Variants in ENO4 observed in about 807,000 individuals in gnomAD.
ENO4 encodes enolase 4, also known as 2-phospho-D-glycerate hydro-lyase.
Under a neutral mutation model 63.2 loss-of-function variants are expected in ENO4, and 53 were observed. The ratio of observed to expected loss-of-function variants is 0.84; its 90% CI spans 0.67 to 1.05. The LOEUF (loss-of-function observed/expected upper bound fraction) is 1.05. Ranked by LOEUF, ENO4 falls within the 50% of genes least tolerant of loss-of-function variation. The pLI is 0.00. For synonymous variants in ENO4, 266 were observed against 283.8 expected (o/e 0.94, Z 0.63); for missense variants, 719 against 772.0 (o/e 0.93, Z 0.81).
At chr10:116,858,149 C>T (rs1206657238) in intron 3 of ENO4, among the ~76,000 whole-genome samples, 1 of 152,120 alleles carries the variant, frequency 6.6e-6, no homozygotes, top group Non-Finnish European at 1.5e-5. Flanking sequence ...CTTCTGTAGA[C>T]CAACTACAGA....
rs1847045261 is a variant in ENO4, at chr10:116,882,391, C to T, written c.*722C>T. ...ACCACAGCATTTAAAAAGCAATCCG[C>T]AAGTGATAAAAAAAAAAAAAAAAAA... is the stretch of plus-strand genomic sequence containing the variant. On this transcript the variant is annotated 3_prime_UTR_variant, in exon 14 of 14. Coordinates refer to ENST00000341276, the MANE Select transcript of ENO4 (RefSeq NM_001242699.2). The T allele has an allele frequency of 7.8e-6, 1 of 127,474 alleles. No individual in the cohort carries two copies. Among genetic ancestry groups the T allele is most frequent in the Admixed American group, 8.3e-5 (1 of 12,006 alleles). The allele number at this position is 127,474 out of a possible 1,614,324, so 7.9% of individuals were successfully genotyped here.
chr10:116,883,194 T>G (rs190001744), downstream of ENO4: 177 of 152,310 alleles, frequency 1.2e-3, no homozygotes, highest in African/African-American at 4.1e-3. Context: ...CACTCACCAA[T>G]GGATAATTAG....
chr10:116,871,105 A>T lies in ENO4; in HGVS notation c.1048-20A>T. On this transcript the variant is annotated intron_variant, in intron 8 of 13. Coordinates refer to ENST00000341276, the MANE Select transcript of ENO4 (RefSeq NM_001242699.2). ...TTAATGTGCTGTATTGACATGGATC[A>T]TTGTCTCTTGATCTTGCAGCAGCAG... The T allele has an allele frequency of 6.5e-7, 1 of 1,549,502 alleles. No homozygotes were observed. Among genetic ancestry groups the T allele is most frequent in the Admixed American group, 2.0e-5 (1 of 50,998 alleles).
chr10:116,879,425 G>A, intron 12 of ENO4, 67 bp downstream of exon 12: 1 of 1,231,980 alleles, frequency 8.1e-7, no homozygotes, highest in Non-Finnish European at 1.1e-6. Flanking sequence ...TCAGAGAAAT[G>A]CAGTCTCTGG....
chr10:116,855,931 G>A (rs954489639), intron 2 of ENO4, among the ~76,000 whole-genome samples, 180 bp downstream of exon 2: 2 of 152,120 alleles, frequency 1.3e-5, no homozygotes, highest in Non-Finnish European at 2.9e-5. Flanking sequence ...ATGTTTAAGT[G>A]TAATTTTGAT....
Position 116,856,641 on chromosome 10 carries a change from G to A in ENO4, c.444G>A (p.Gly148=). The change falls in exon 3 of 14, where the codon GGG becomes GGA. Residue 148 remains glycine, a synonymous_variant. Coordinates refer to ENST00000341276, the MANE Select transcript of ENO4 (RefSeq NM_001242699.2). ...GCACCATCACGCACGAGCTCCAGGGGATGGCACCCTCTGACCAGGCAGAGG... is the reference window on the plus strand; with the variant it reads ...GCACCATCACGCACGAGCTCCAGGGAATGGCACCCTCTGACCAGGCAGAGG... ...VNSTITHELQ[G]MAPSDQAEVD... The A allele has an allele frequency of 6.5e-7, 1 of 1,535,578 alleles. No individual in the cohort carries two copies. Among genetic ancestry groups the A allele is most frequent in the Non-Finnish European group, 8.7e-7 (1 of 1,146,710 alleles).
chr10:116,898,596 T>C (rs181341269), intron 10 of ENO4, among the ~76,000 whole-genome samples: 93 of 152,268 alleles, frequency 6.1e-4, no homozygotes, highest in Non-Finnish European at 9.7e-4. Flanking sequence ...CACTGTGAGA[T>C]TTAAGATACT....
At chr10:116,911,742 C>T in exon 11 of ENO4, 1 of 1,571,578 alleles carries the variant, frequency 6.4e-7, no homozygotes, top group Non-Finnish European at 8.7e-7. Flanking sequence ...AAAATACTCT[C>T]CTTTCATTTC....
chr10:116,899,610 G>T (rs1783255371), intron 10 of ENO4, among the ~76,000 whole-genome samples: 1 of 151,192 alleles, frequency 6.6e-6, no homozygotes, highest in African/African-American at 2.4e-5. Flanking sequence ...ACTGTCATTG[G>T]CATCCTCCCT....
intron 1 of ENO4, 39 bp downstream of exon 1, chr10:116,849,770 CT>C: frequency 6.8e-7 from 1 of 1,474,656 alleles, no homozygotes; most frequent in South Asian, 1.4e-5. Flanking sequence ...CCGCCAACCC[CT>C]CTCCCCCCGC....
chr10:116,892,537 T>C (rs181317736), intron 10 of ENO4, among the ~76,000 whole-genome samples: 61 of 152,340 alleles, frequency 4.0e-4, no homozygotes, highest in African/African-American at 1.4e-3. Flanking sequence ...ATTCACCATA[T>C]ATAACATTGG....
intron 11 of ENO4, among the ~76,000 whole-genome samples, chr10:116,878,781 C>T (rs1040625261): frequency 6.6e-5 from 8 of 120,308 alleles, no homozygotes; most frequent in Admixed American, 2.3e-4. Context: ...CTTGCTCTGT[C>T]GCCCAGAGCT....
Position 116,909,715 on chromosome 10 carries a change from A to C in ENO4, c.1195-1784A>C, listed in dbSNP as rs907416559. ...CTCAGAAAATAGAATAGGGGTTTGAAACTCCCCCAAACCAGAGACTTGTTT... is the reference window on the plus strand; with the variant it reads ...CTCAGAAAATAGAATAGGGGTTTGACACTCCCCCAAACCAGAGACTTGTTT... On this transcript the variant is annotated intron_variant, in intron 10 of 10. Coordinates refer to the ENO4 transcript ENST00000369207. 2.0e-5 allele frequency among the ~76,000 whole-genome samples: 3 copies of C among 152,162 alleles called. No individual in the cohort carries two copies. In the East Asian group the frequency reaches 5.8e-4, roughly 29 times the overall value.
At chr10:116,892,382 G>C (rs1367392069) in intron 10 of ENO4, among the ~76,000 whole-genome samples, 1 of 152,144 alleles carries the variant, frequency 6.6e-6, no homozygotes, top group East Asian at 1.9e-4. Context: ...TCTGAAATGT[G>C]GGTGATCATT....
chr10:116,887,262 G>A (rs969321930), downstream of ENO4, among the ~76,000 whole-genome samples: 4 of 152,132 alleles, frequency 2.6e-5, no homozygotes, highest in Middle Eastern at 3.2e-3. Flanking sequence ...TCCTTCTCTC[G>A]TCTCTTCTGC....
chr10:116,868,337 T>A (rs556892663), intron 7 of ENO4, among the ~76,000 whole-genome samples: 1 of 152,346 alleles, frequency 6.6e-6, no homozygotes, highest in Admixed American at 6.5e-5. Flanking sequence ...ATGATATATG[T>A]GTGAATAACA....
intron 11 of ENO4, among the ~76,000 whole-genome samples, chr10:116,878,995 G>A (rs1846921022): frequency 6.6e-6 from 1 of 151,972 alleles, no homozygotes. Flanking sequence ...CACCTGCCTT[G>A]GCCTCCCAAA....
chr10:116,888,889 G>A (rs1847247163), intron 10 of ENO4, among the ~76,000 whole-genome samples: 1 of 152,222 alleles, frequency 6.6e-6, no homozygotes, highest in East Asian at 1.9e-4. Flanking sequence ...AACAGGTGAG[G>A]AGATTCTAGG....
chr10:116,875,355 A>G (rs1266797416), intron 10 of ENO4, among the ~76,000 whole-genome samples: 1 of 151,566 alleles, frequency 6.6e-6, no homozygotes, highest in Non-Finnish European at 1.5e-5. Flanking sequence ...GGCTCTGGTC[A>G]TACTTTTTAA....
Sources: allele counts gnomAD v4.1 joint callset (sites outside exome capture counted in the v4.1 genomes callset), GRCh38; gene constraint gnomAD v4.1.1; transcripts MANE v1.5; gene names NCBI Gene and HGNC (gene_info 2026-07-23, HGNC 2026-07-21).